The following UBE2J1 variants were observed in gnomAD, a reference collection of about 807,000 sequenced individuals.
The protein encoded by UBE2J1 is ubiquitin conjugating enzyme E2 J1.
A neutral mutation model predicts 42.1 loss-of-function variants in UBE2J1; 17 were observed. The observed-to-expected ratio is 0.40, with a 90% CI of 0.28 to 0.61. UBE2J1 has a LOEUF of 0.61. UBE2J1 is among the 20% of genes least tolerant of loss of function. UBE2J1 has a pLI of 0.38. For synonymous variants in UBE2J1, 127 were observed against 137.2 expected (o/e 0.93, Z 0.52); for missense variants, 291 against 389.4 (o/e 0.75, Z 2.13).
intron 3 of UBE2J1, among the ~76,000 whole-genome samples, chr6:89,339,472 GGGAGGGGGGAGGA>G (rs1768190044): frequency 1.5e-4 from 1 of 6,844 alleles, no homozygotes; most frequent in East Asian, 2.4e-3. Flanking sequence ...AGGAGAGGGG[GGGAGGGGGGAGGA>G]GAGGGGATGG....
At chr6:89,343,002 T>A (rs1462722237) in intron 2 of UBE2J1, among the ~76,000 whole-genome samples, 1 of 152,196 alleles carries the variant, frequency 6.6e-6, no homozygotes, top group Non-Finnish European at 1.5e-5. Flanking sequence ...TATATTTAAA[T>A]ACCCTCCTTT....
rs1767933769 is a variant in UBE2J1, at chr6:89,327,671, A to C, written c.*2008T>G. Reference sequence around the variant, plus strand: ...CAAAATCTTCTTGGCTTTTTATTTAACTTAGCAGTGAATGCAGCAGGATTG... The same window carrying C: ...CAAAATCTTCTTGGCTTTTTATTTACCTTAGCAGTGAATGCAGCAGGATTG... On this transcript the variant is annotated 3_prime_UTR_variant, in exon 8 of 8. Coordinates refer to ENST00000435041, the MANE Select transcript of UBE2J1 (RefSeq NM_016021.3). The C allele has an allele frequency of 6.6e-6, 1 of 152,216 alleles. No individual in the cohort carries two copies. Among genetic ancestry groups the C allele is most frequent in the South Asian group, 2.1e-4 (1 of 4,830 alleles). 9.4% of individuals were successfully genotyped at this position (152,216 alleles called of 1,614,324 possible).
intron 7 of UBE2J1, among the ~76,000 whole-genome samples, chr6:89,332,249 C>CA (rs1250815885): frequency 1.3e-5 from 2 of 152,124 alleles, no homozygotes; most frequent in East Asian, 3.9e-4. Context: ...AATCTGTTAC[C>CA]AAAAAGACTT....
chr6:89,338,653 G>GTTTTTTTTTTTTTTT (rs1486254673), intron 3 of UBE2J1, 110 bp from the exon 4 acceptor site: 1 of 120,568 alleles, frequency 8.3e-6, no homozygotes, highest in African/African-American at 3.4e-5. Flanking sequence ...ATCTTAAAAA[G>GTTTTTTTTTTTTTTT]TTTGTTTTTT....
At chr6:89,347,769 T>C (rs189657922) in intron 1 of UBE2J1, among the ~76,000 whole-genome samples, 16 of 152,376 alleles carry the variant, frequency 1.1e-4, no homozygotes, top group African/African-American at 2.9e-4. Context: ...ATTAAAATTC[T>C]GACTCTGACA....
chr6:89,334,535 G>C (rs1242487220), intron 6 of UBE2J1, among the ~76,000 whole-genome samples: 2 of 147,638 alleles, frequency 1.4e-5, no homozygotes, highest in South Asian at 2.1e-4. Context: ...GCAATGGCGC[G>C]ATCTCGGCTC....
chr6:89,338,380 A>C, intron 4 of UBE2J1, 70 bp from the exon 5 acceptor site: 2 of 1,573,712 alleles, frequency 1.3e-6, no homozygotes, highest in South Asian at 2.3e-5. Flanking sequence ...TGGAAAAAGA[A>C]AAAATCAGAG....
intron 6 of UBE2J1, among the ~76,000 whole-genome samples, chr6:89,334,133 A>G (rs1338950945): frequency 6.6e-6 from 1 of 152,012 alleles, no homozygotes; most frequent in Non-Finnish European, 1.5e-5. Flanking sequence ...CCTCCCAAGT[A>G]GCTGGGATTA....
rs1218863328 is a variant in UBE2J1 at position 89,329,502 on chromosome 6, G to A, written c.*177C>T. The A allele has an allele frequency of 1.1e-5, 7 of 665,412 alleles. No homozygotes were observed. The Admixed American group carries it at 1.5e-4, about 15-fold the overall frequency. The allele number at this position is 665,412 out of a possible 1,614,324, so 41.2% of individuals were successfully genotyped here. A position where few individuals can be genotyped will look rare whatever the true frequency, so the allele number is the denominator to read the frequency against. On this transcript the variant is annotated 3_prime_UTR_variant, in exon 8 of 8. Coordinates refer to ENST00000435041, the MANE Select transcript of UBE2J1 (RefSeq NM_016021.3). ...GACTTCTAGTCCCTTTAAGCAGGAC[G>A]TAACTGCTAGACACAGTCTGAATGT...
At chr6:89,340,459 T>C (rs1449527211) in intron 3 of UBE2J1, among the ~76,000 whole-genome samples, 1 of 152,204 alleles carries the variant, frequency 6.6e-6, no homozygotes, top group African/African-American at 2.4e-5. Flanking sequence ...CCTGACACAG[T>C]AGAGTGTCTC....
chr6:89,341,131 G>T (rs1768240226), intron 3 of UBE2J1, among the ~76,000 whole-genome samples: 1 of 152,194 alleles, frequency 6.6e-6, no homozygotes, highest in Non-Finnish European at 1.5e-5. Context: ...CTCCGTGTGG[G>T]TAAGATGTTT....
At chr6:89,342,088 A>T (rs966828301) in intron 3 of UBE2J1, among the ~76,000 whole-genome samples, 2 of 152,192 alleles carry the variant, frequency 1.3e-5, no homozygotes, top group Non-Finnish European at 2.9e-5. Flanking sequence ...TAATTCATTG[A>T]ATCCTAACAA....
In UBE2J1 at chr6:89,336,468, AT is replaced by A. The variant is rs1237054942; in HGVS notation, c.429-1038del. Among the ~76,000 whole-genome samples the A allele has an allele frequency of 1.3e-4, 3 of 23,598 alleles. No homozygotes were observed. In the South Asian group the frequency reaches 0.015, roughly 115 times the overall value. The allele number at this position is 23,598 out of a possible 152,430, so 15.5% of individuals were successfully genotyped here. The stretch of plus-strand genomic sequence containing the variant: ...ACCACACCCCGCTAATTTTTATTTT[AT>A]TTTATTTTTTTTTTTTATTTCATTT... On this transcript the variant is annotated intron_variant, in intron 5 of 7. Transcript: ENST00000435041.
At chr6:89,350,668 G>T (rs1340113035) in intron 1 of UBE2J1, among the ~76,000 whole-genome samples, 7 of 151,974 alleles carry the variant, frequency 4.6e-5, no homozygotes, top group Non-Finnish European at 5.9e-5. Flanking sequence ...ACAGCTAGAA[G>T]CATGTCAACC....
intron 3 of UBE2J1, among the ~76,000 whole-genome samples, chr6:89,339,310 G>A (rs1053211393): frequency 4.1e-5 from 6 of 147,602 alleles, no homozygotes; most frequent in Non-Finnish European, 8.9e-5. Flanking sequence ...TGTGCCTCTA[G>A]TCCTACCTAC....
Position 89,343,673 on chromosome 6 carries a change from A to G in UBE2J1, c.105+10T>C. ...AAATCCATATGAAGAACATGGAGAT[A>G]GAAACTAACCTCTAAAGGCTGCGCA... On this transcript the variant is annotated intron_variant, in intron 2 of 7. Transcript: ENST00000435041. 6.3e-7 allele frequency: 1 copy of G among 1,582,832 alleles called. No homozygotes were observed. The highest frequency in any genetic ancestry group is 1.2e-5 in the South Asian group (1 of 84,260).
At chr6:89,340,660 C>A (rs1768226816) in intron 3 of UBE2J1, among the ~76,000 whole-genome samples, 1 of 152,314 alleles carries the variant, frequency 6.6e-6, no homozygotes, top group South Asian at 2.1e-4. Flanking sequence ...GGAAAGAGCA[C>A]CAGTCAGAAT....
intron 6 of UBE2J1, among the ~76,000 whole-genome samples, chr6:89,335,083 A>C (rs899729658): frequency 6.6e-6 from 1 of 152,228 alleles, no homozygotes; most frequent in African/African-American, 2.4e-5. Flanking sequence ...TTTTGTAATA[A>C]GAAAAACATT....
At position 89,328,820 on chromosome 6, in the gene UBE2J1, T is replaced by G. The variant is rs954713790; in HGVS notation, c.*859A>C. 1 of 152,244 alleles carries G rather than the reference T, an allele frequency of 6.6e-6. No individual in the cohort carries two copies. Among genetic ancestry groups the G allele is most frequent in the Admixed American group, 6.5e-5 (1 of 15,286 alleles). 9.4% of individuals were successfully genotyped at this position (152,244 alleles called of 1,614,324 possible). ...TTCCTGGAATAATTAAAATTTATAC[T>G]GATTATAAAGCTAGGCATATAATAC... On this transcript the variant is annotated 3_prime_UTR_variant, in exon 8 of 8. Transcript: ENST00000435041.
Sources: gnomAD v4.1 joint callset for allele counts (sites outside exome capture counted in the v4.1 genomes callset) on GRCh38, gnomAD v4.1.1 for gene constraint, MANE v1.5 for transcripts, NCBI Gene and HGNC (gene_info 2026-07-23, HGNC 2026-07-21) for gene names.